ZNF407: variants seen among roughly 807,000 people sequenced by gnomAD.
ZNF407 encodes the protein zinc finger protein 407.
Under a neutral mutation model 131.2 loss-of-function variants are expected in ZNF407, and 17 were observed. That is an observed-to-expected ratio of 0.13 (90% CI 0.09 to 0.19). The LOEUF (loss-of-function observed/expected upper bound fraction) is 0.19. Ranked by LOEUF, ZNF407 falls within the 10% of genes least tolerant of loss-of-function variation. The probability of loss-of-function intolerance (pLI) is 1.00; values close to 1 mark genes in which losing one functional copy is unlikely to be tolerated. For synonymous variants in ZNF407, 1,156 were observed against 1,062.0 expected, an observed-to-expected ratio of 1.09 and a Z score of -1.72; for missense variants, 2,681 against 2,830.6, an observed-to-expected ratio of 0.95 and a Z score of 1.20.
At chr18:75,017,144 G>A (rs1018324686) in intron 8 of ZNF407, among the ~76,000 whole-genome samples, 5 of 152,102 alleles carry the variant, frequency 3.3e-5, no homozygotes, top group Admixed American at 1.3e-4. Flanking sequence ...TGAGATCTCA[G>A]TAAAATTACA....
intron 7 of ZNF407, among the ~76,000 whole-genome samples, chr18:74,920,023 G>A (rs1242658757): frequency 6.6e-6 from 1 of 152,198 alleles, no homozygotes; most frequent in East Asian, 1.9e-4. Flanking sequence ...AGTTGAGCCT[G>A]GGAGCCGTTT....
At chr18:74,928,673 AAG>A (rs1971943903) in intron 8 of ZNF407, among the ~76,000 whole-genome samples, 1 of 152,186 alleles carries the variant, frequency 6.6e-6, no homozygotes, top group Non-Finnish European at 1.5e-5. Context: ...TCTTGCTACA[AAG>A]AGTCTGTTTT....
chr18:75,034,461 G>A (rs181778061), intron 8 of ZNF407, among the ~76,000 whole-genome samples: 4,202 of 151,940 alleles, frequency 0.028, 82 homozygotes, highest in African/African-American at 0.047. Flanking sequence ...GCGCCACCAT[G>A]CCCGGCTAAT....
At chr18:74,908,816 C>CTTTAAA (rs1971629803) in intron 7 of ZNF407, among the ~76,000 whole-genome samples, 2 of 152,066 alleles carry the variant, frequency 1.3e-5, no homozygotes, top group Admixed American at 1.3e-4. Context: ...CTACAGTGAG[C>CTTTAAA]TTTAAAGCAA....
Position 74,631,247 on chromosome 18 carries a change from G to T in ZNF407, c.228G>T (p.Arg76Ser). The change falls in exon 2 of 9, where the codon AGG (arginine) becomes AGT (serine). Residue 76 changes from arginine to serine, a missense_variant. Physicochemically the swap from Arg to Ser is moderately radical, Grantham distance 110. Transcript: ENST00000299687. ...EDRNKHASKR[R>S]KLDEAEPLKS... Reference sequence around the variant, plus strand: ...GAAATAAACATGCTTCCAAACGCAGGAAATTAGATGAGGCAGAGCCCCTTA... The same window carrying T: ...GAAATAAACATGCTTCCAAACGCAGTAAATTAGATGAGGCAGAGCCCCTTA... The T allele has an allele frequency of 6.2e-7, 1 of 1,613,934 alleles. No homozygotes were observed. Among genetic ancestry groups the T allele is most frequent in the African/African-American group, 1.3e-5 (1 of 75,032 alleles).
Position 74,612,904 on chromosome 18 carries a change from A to G in ZNF407, c.-54+14967A>G, listed in dbSNP as rs898515275. Among the ~76,000 whole-genome samples the G allele has an allele frequency of 3.9e-5, 6 of 152,354 alleles. No individual in the cohort carries two copies. The East Asian group carries it at 1.2e-3, about 29-fold the overall frequency. On this transcript the variant is annotated intron_variant, in intron 1 of 8. Coordinates refer to ENST00000299687, the MANE Select transcript of ZNF407 (RefSeq NM_017757.3). Reference sequence around the variant, plus strand: ...CTGAGAGAGACAGAGGGAAGAAAACAAAAATCAAGGCAGAAATGGGAGTGT... The same window carrying G: ...CTGAGAGAGACAGAGGGAAGAAAACGAAAATCAAGGCAGAAATGGGAGTGT...
At chr18:74,917,487 A>G (rs1971788679) in intron 7 of ZNF407, among the ~76,000 whole-genome samples, 1 of 152,124 alleles carries the variant, frequency 6.6e-6, no homozygotes, top group Admixed American at 6.5e-5. Context: ...GATTTATTTT[A>G]TATTTTCAAA....
At chr18:74,621,027 C>G (rs1359573917) in intron 1 of ZNF407, among the ~76,000 whole-genome samples, 1 of 152,040 alleles carries the variant, frequency 6.6e-6, no homozygotes, top group Non-Finnish European at 1.5e-5. Flanking sequence ...CCAAAATGAG[C>G]GGATTTTTCA....
intron 3 of ZNF407, among the ~76,000 whole-genome samples, chr18:74,668,053 G>A (rs377140399): frequency 5.3e-5 from 8 of 152,110 alleles, no homozygotes; most frequent in Non-Finnish European, 1.0e-4. Context: ...CAGTTCATCC[G>A]TATGGGTAGA....
intron 8 of ZNF407, among the ~76,000 whole-genome samples, chr18:75,036,049 C>T (rs1174054727): frequency 1.3e-5 from 2 of 152,168 alleles, no homozygotes; most frequent in African/African-American, 2.4e-5. Context: ...CCAAAAATAA[C>T]GTGTCTTTTT....
intron 4 of ZNF407, among the ~76,000 whole-genome samples, chr18:74,818,874 A>AG (rs1970302785): frequency 6.6e-6 from 1 of 151,782 alleles, no homozygotes; most frequent in Non-Finnish European, 1.5e-5. Flanking sequence ...GTAAAAAAAA[A>AG]AAAAAAGCTA....
intron 1 of ZNF407, among the ~76,000 whole-genome samples, chr18:74,607,120 C>G (rs1210106635): frequency 6.6e-6 from 1 of 152,214 alleles, no homozygotes; most frequent in African/African-American, 2.4e-5. Context: ...AAGCAGGCCT[C>G]TTGATTCATG....
intron 3 of ZNF407, among the ~76,000 whole-genome samples, chr18:74,690,166 C>T (rs1967186575): frequency 6.6e-6 from 1 of 152,188 alleles, no homozygotes; most frequent in South Asian, 2.1e-4. Flanking sequence ...TATATAATGG[C>T]ACACATGGTT....
At chr18:75,052,825 G>A (rs569254842) in intron 8 of ZNF407, among the ~76,000 whole-genome samples, 14 of 152,290 alleles carry the variant, frequency 9.2e-5, no homozygotes, top group Non-Finnish European at 1.3e-4. Flanking sequence ...GCACCCGGGT[G>A]GAAGGACACA....
At chr18:74,970,247 A>C (rs2145302446) in intron 8 of ZNF407, among the ~76,000 whole-genome samples, 1 of 152,028 alleles carries the variant, frequency 6.6e-6, no homozygotes, top group South Asian at 2.1e-4. Context: ...GGACACAGCC[A>C]AACCATATCA....
chr18:74,788,824 AAAAT>A (rs1969771137), intron 4 of ZNF407, among the ~76,000 whole-genome samples: 1 of 149,504 alleles, frequency 6.7e-6, no homozygotes, highest in African/African-American at 2.4e-5. Flanking sequence ...AAATATCAAT[AAAAT>A]AAATATTTTA....
rs1972100568 is a variant in ZNF407, at chr18:74,941,639, A to G, written c.5428+20947A>G. ...GAGAATGGTATTACATGGGTTAAGCATGTATGTTATTCCTTTCTCAAGTAG... is the reference window on the plus strand; with the variant it reads ...GAGAATGGTATTACATGGGTTAAGCGTGTATGTTATTCCTTTCTCAAGTAG... On this transcript the variant is annotated intron_variant, in intron 8 of 8. Transcript: ENST00000299687. Among the ~76,000 whole-genome samples, 4 of 152,246 alleles carry G rather than the reference A, an allele frequency of 2.6e-5. No homozygotes were observed. In the South Asian group the frequency reaches 8.3e-4, roughly 32 times the overall value.
In ZNF407 at chr18:74,786,793, GTTT is replaced by G. The variant is rs869103622; in HGVS notation, c.4877+5317_4877+5319del. Among the ~76,000 whole-genome samples the G allele has an allele frequency of 7.6e-3, 678 of 89,346 alleles. 133 individuals carry two copies. The highest frequency in any genetic ancestry group is 0.024 in the African/African-American group (541 of 22,392). 58.6% of individuals were successfully genotyped at this position (89,346 alleles called of 152,430 possible). Reference sequence around the variant, plus strand: ...AATTGGTTTTAATGTAAAAAAGTATGTTTTTTTTTTTTTTTTTTTTTTTTTTTT... The same window carrying G: ...AATTGGTTTTAATGTAAAAAAGTATGTTTTTTTTTTTTTTTTTTTTTTTTT... On this transcript the variant is annotated intron_variant, in intron 4 of 8. Transcript: ENST00000299687.
At chr18:74,998,679 A>C (rs2122153369) in intron 8 of ZNF407, among the ~76,000 whole-genome samples, 1 of 136,846 alleles carries the variant, frequency 7.3e-6, no homozygotes, top group Admixed American at 7.5e-5. Flanking sequence ...AATGGCAATC[A>C]TTAAAAAGTC....
Sources: allele counts gnomAD v4.1 joint callset (sites outside exome capture counted in the v4.1 genomes callset), GRCh38; gene constraint gnomAD v4.1.1; transcripts MANE v1.5; gene names NCBI Gene and HGNC (gene_info 2026-07-23, HGNC 2026-07-21).